AGBL4: variants seen among roughly 807,000 people sequenced by gnomAD.
AGBL4 encodes AGBL carboxypeptidase 4, also known as cytosolic carboxypeptidase 6.
In AGBL4, 58 loss-of-function variants were observed where a neutral mutation model predicts 66.4. The observed-to-expected ratio is 0.87, with a 90% CI of 0.71 to 1.09. AGBL4 has a LOEUF of 1.09. AGBL4 is among the 50% of genes least tolerant of loss of function. The pLI, the probability that AGBL4 is intolerant of heterozygous loss-of-function variation, is 0.00. For missense variants in AGBL4, 579 were observed against 631.0 expected (o/e 0.92, Z 0.88); for synonymous variants, 234 against 222.9 (o/e 1.05, Z -0.44).
chr1:48,563,795 G>C (rs564833259), intron 11 of AGBL4, among the ~76,000 whole-genome samples: 4 of 152,192 alleles, frequency 2.6e-5, no homozygotes, highest in Non-Finnish European at 4.4e-5. Flanking sequence ...GATCTGTGAA[G>C]TCAGGCCTAG....
At chr1:49,094,233 C>T (rs1442674312) in intron 4 of AGBL4, among the ~76,000 whole-genome samples, 1 of 152,036 alleles carries the variant, frequency 6.6e-6, no homozygotes, top group African/African-American at 2.4e-5. Context: ...CTCCCCTACC[C>T]CCACCAAAGA....
intron 3 of AGBL4, among the ~76,000 whole-genome samples, chr1:49,295,919 G>A (rs1644635285): frequency 6.6e-6 from 1 of 152,144 alleles, no homozygotes. Flanking sequence ...TCATAGTAGT[G>A]ACTCTAAAGC....
chr1:49,820,598 C>A (rs1645345451), intron 2 of AGBL4, among the ~76,000 whole-genome samples: 1 of 152,098 alleles, frequency 6.6e-6, no homozygotes. Flanking sequence ...GGGATTGAGC[C>A]AAAGTTCCCC....
chr1:49,256,018 G>A (rs1652466598), intron 3 of AGBL4, among the ~76,000 whole-genome samples: 1 of 152,122 alleles, frequency 6.6e-6, no homozygotes, highest in Admixed American at 6.5e-5. Flanking sequence ...AGAGTAAAAA[G>A]TGGGAGAATG....
At chr1:48,592,150 G>T (rs1644928084) in intron 9 of AGBL4, among the ~76,000 whole-genome samples, 1 of 152,190 alleles carries the variant, frequency 6.6e-6, no homozygotes, top group South Asian at 2.1e-4. Flanking sequence ...ACTTGACCAA[G>T]CTCACAGAAT....
At chr1:49,054,580 T>C (rs982704229) in intron 4 of AGBL4, among the ~76,000 whole-genome samples, 1 of 151,940 alleles carries the variant, frequency 6.6e-6, no homozygotes, top group Admixed American at 6.6e-5. Flanking sequence ...TCTACATAAT[T>C]CATAATTGCA....
intron 3 of AGBL4, among the ~76,000 whole-genome samples, chr1:49,574,210 A>G (rs542278656): frequency 6.6e-6 from 1 of 152,306 alleles, no homozygotes; most frequent in South Asian, 2.1e-4. Context: ...GAGAACAGGC[A>G]TAAGAATGGA....
At chr1:48,833,592 C>G (rs1646608270) in intron 6 of AGBL4, among the ~76,000 whole-genome samples, 1 of 152,050 alleles carries the variant, frequency 6.6e-6, no homozygotes, top group African/African-American at 2.4e-5. Flanking sequence ...AAGAGAACAC[C>G]AAGGAGGTGG....
chr1:49,933,557 T>C (rs1457540141), intron 1 of AGBL4, among the ~76,000 whole-genome samples: 1 of 151,958 alleles, frequency 6.6e-6, no homozygotes, highest in African/African-American at 2.4e-5. Context: ...AGTGTAAAAA[T>C]TTAAAAAACA....
At chr1:49,204,482 G>A (rs1482589192) in intron 4 of AGBL4, among the ~76,000 whole-genome samples, 1 of 152,100 alleles carries the variant, frequency 6.6e-6, no homozygotes, top group Non-Finnish European at 1.5e-5. Context: ...GTCTCTCTAT[G>A]TTGCTCAGGC....
intron 6 of AGBL4, among the ~76,000 whole-genome samples, chr1:48,663,971 T>G (rs1646146786): frequency 6.6e-6 from 1 of 152,104 alleles, no homozygotes; most frequent in African/African-American, 2.4e-5. Flanking sequence ...CTTAAACAAC[T>G]AAAAAACTGG....
rs1012301301 is a variant in AGBL4 at position 49,068,545 on chromosome 1, A to G, written c.378-22745T>C. 2.6e-5 allele frequency among the ~76,000 whole-genome samples: 4 copies of G among 152,082 alleles called. No individual in the cohort carries two copies. In the East Asian group the frequency reaches 7.7e-4, roughly 29 times the overall value. On this transcript the variant is annotated intron_variant, in intron 4 of 13. Coordinates refer to ENST00000371839, the MANE Select transcript of AGBL4 (RefSeq NM_032785.4). ...GGTTTCCAGCTTCATCCATGTCCCT[A>G]CAAAGGACATGAACTCATCGTTTTT...
chr1:49,340,473 A>G (rs555484209), intron 3 of AGBL4, among the ~76,000 whole-genome samples: 1 of 152,298 alleles, frequency 6.6e-6, no homozygotes, highest in East Asian at 1.9e-4. Flanking sequence ...TTTCATCTAA[A>G]AACTCCATTG....
intron 2 of AGBL4, among the ~76,000 whole-genome samples, chr1:49,811,559 T>C (rs1436612296): frequency 6.6e-6 from 1 of 152,172 alleles, no homozygotes; most frequent in Non-Finnish European, 1.5e-5. Flanking sequence ...ACTTTTACAC[T>C]AATCGAAGCA....
rs568801227 is a variant in AGBL4 at position 49,187,078 on chromosome 1, G to A, written c.377+58692C>T. On this transcript the variant is annotated intron_variant, in intron 4 of 13. Coordinates refer to ENST00000371839, the MANE Select transcript of AGBL4 (RefSeq NM_032785.4). ...TGGCTTTAGCCAGCATTCATAAAAG[G>A]TATGAATAAGATTCAGAATTAAGTA... 1.3e-4 allele frequency among the ~76,000 whole-genome samples: 20 copies of A among 152,298 alleles called. No homozygotes were observed. In the South Asian group the frequency reaches 2.7e-3, roughly 20 times the overall value.
chr1:49,598,950 C>A (rs1644902789), intron 3 of AGBL4, among the ~76,000 whole-genome samples: 1 of 152,156 alleles, frequency 6.6e-6, no homozygotes. Context: ...AGGGATGAAG[C>A]CAACTTGATC....
intron 3 of AGBL4, among the ~76,000 whole-genome samples, chr1:49,598,568 C>T (rs1332390427): frequency 6.6e-6 from 1 of 152,128 alleles, no homozygotes; most frequent in East Asian, 1.9e-4. Flanking sequence ...CTGATTGTTC[C>T]TCTGGAAGTT....
chr1:48,743,482 T>C (rs1650254670), intron 6 of AGBL4, among the ~76,000 whole-genome samples: 3 of 152,342 alleles, frequency 2.0e-5, no homozygotes, highest in Middle Eastern at 3.4e-3. Flanking sequence ...TGTGTGTTGA[T>C]TACTTAAGGG....
chr1:49,073,876 G>A (rs1051349374), intron 4 of AGBL4, among the ~76,000 whole-genome samples: 1 of 152,202 alleles, frequency 6.6e-6, no homozygotes. Flanking sequence ...CAGGTGCTCT[G>A]TCTCAGGAAG....
Sources: allele counts gnomAD v4.1 joint callset (sites outside exome capture counted in the v4.1 genomes callset), GRCh38; gene constraint gnomAD v4.1.1; transcripts MANE v1.5; gene names NCBI Gene and HGNC (gene_info 2026-07-23, HGNC 2026-07-21).